The following NFIB variants were observed in gnomAD, a reference collection of about 807,000 sequenced individuals.
NFIB encodes the protein nuclear factor I B.
Under a neutral mutation model 61.5 loss-of-function variants are expected in NFIB, and 11 were observed. The ratio of observed to expected loss-of-function variants is 0.18; its 90% CI spans 0.11 to 0.30. The LOEUF (loss-of-function observed/expected upper bound fraction) is 0.30, where lower values mean the gene tolerates loss of function less well. NFIB is among the 10% of genes least tolerant of loss of function. The pLI is 1.00. For synonymous variants in NFIB, 260 were observed against 216.5 expected (o/e 1.20, Z -1.76); for missense variants, 471 against 608.9 (o/e 0.77, Z 2.38).
At chr9:14,173,989 T>A (rs778936839) in intron 3 of NFIB, among the ~76,000 whole-genome samples, 1 of 152,192 alleles carries the variant, frequency 6.6e-6, no homozygotes, top group East Asian at 1.9e-4. Context: ...TGTAAAATTA[T>A]GTAGCTGAGG....
At chr9:14,306,449 CT>C (rs1258731787) in intron 2 of NFIB, among the ~76,000 whole-genome samples, 1 of 152,084 alleles carries the variant, frequency 6.6e-6, no homozygotes, top group East Asian at 1.9e-4. Context: ...GTAAGATATA[CT>C]TTTGATATTA....
At chr9:14,316,873 A>G (rs1315245835), upstream of NFIB, among the ~76,000 whole-genome samples, 1 of 152,180 alleles carries the variant, frequency 6.6e-6, no homozygotes, top group Non-Finnish European at 1.5e-5. Context: ...ATTTACCATA[A>G]AAGACATTCC....
the NFIB span, among the ~76,000 whole-genome samples, chr9:14,427,308 T>C: frequency 6.6e-6 from 1 of 152,224 alleles, no homozygotes; most frequent in African/African-American, 2.4e-5. Context: ...AATATTTGTA[T>C]TGTGCTTTCT....
intron 4 of NFIB, among the ~76,000 whole-genome samples, chr9:14,154,321 T>A (rs2043159332): frequency 6.6e-6 from 1 of 152,074 alleles, no homozygotes; most frequent in Non-Finnish European, 1.5e-5. Flanking sequence ...AGTACAAATT[T>A]AAGCAAATAA....
At chr9:14,114,004 T>C (rs1378054237) in intron 9 of NFIB, among the ~76,000 whole-genome samples, 1 of 152,184 alleles carries the variant, frequency 6.6e-6, no homozygotes, top group East Asian at 1.9e-4. Flanking sequence ...CACTGCTCCA[T>C]ATTACCATAT....
rs200083777 is a variant in NFIB at position 14,398,636 on chromosome 9, C to T, written c.-5G>A. ...AGACACTGGGATTCTTTCCATACTC[C>T]GAACGGATTCCCGACAAGAAGCCTG... On this transcript the variant is annotated 5_prime_UTR_variant, in exon 1 of 9. Transcript: ENST00000380934. 62 of 1,522,478 alleles carry T rather than the reference C, an allele frequency of 4.1e-5. No individual in the cohort carries two copies. In the Admixed American group the frequency reaches 1.0e-3, roughly 25 times the overall value. The allele number at this position is 1,522,478 out of a possible 1,614,324, so 94.3% of individuals were successfully genotyped here. A position where few individuals can be genotyped will look rare whatever the true frequency, so the allele number is the denominator to read the frequency against.
chr9:14,183,803 T>C (rs1039906139), intron 2 of NFIB, among the ~76,000 whole-genome samples: 5 of 152,116 alleles, frequency 3.3e-5, no homozygotes, highest in Non-Finnish European at 7.3e-5. Context: ...CCACCTCTCA[T>C]TTTATCTTCC....
the NFIB span, among the ~76,000 whole-genome samples, chr9:14,434,525 GGAAGCCAAAGTCAGTATATCCT>G: frequency 6.6e-6 from 1 of 152,148 alleles, no homozygotes. Context: ...TCCTACTAGG[GGAAGCCAAAGTCAGTATATCCT>G]GACTGAGGAA....
chr9:14,206,731 T>C lies in NFIB; in HGVS notation c.563-26951A>G, dbSNP rs544687263. Among the ~76,000 whole-genome samples the C allele has an allele frequency of 1.7e-4, 24 of 143,846 alleles. 1 individual carries two copies. The East Asian group carries it at 4.1e-3, about 24-fold the overall frequency. 94.4% of individuals were successfully genotyped at this position (143,846 alleles called of 152,430 possible). A position where few individuals can be genotyped will look rare whatever the true frequency, so the allele number is the denominator to read the frequency against. ...AAAAAAAAAAAAAAAACCTAAGGGA[T>C]GGTTTCAGATTTTGCCTGTGTCTTA... On this transcript the variant is annotated intron_variant, in intron 2 of 10. Coordinates refer to ENST00000380953, the MANE Select transcript of NFIB (RefSeq NM_001190737.2).
the NFIB span, among the ~76,000 whole-genome samples, chr9:14,529,104 C>A: frequency 1.2e-4 from 18 of 152,126 alleles, no homozygotes; most frequent in Admixed American, 4.6e-4. Flanking sequence ...GGAGTTTACT[C>A]TTCGTGTACT....
rs1462856803 is a variant in NFIB at position 14,087,837 on chromosome 9, C to G, written c.*472G>C. The G allele has an allele frequency of 4.5e-6, 1 of 224,122 alleles. No homozygotes were observed. Among genetic ancestry groups the G allele is most frequent in the African/African-American group, 2.2e-5 (1 of 44,796 alleles). 13.9% of individuals were successfully genotyped at this position (224,122 alleles called of 1,614,324 possible). On this transcript the variant is annotated 3_prime_UTR_variant, in exon 11 of 11. Coordinates refer to ENST00000380953, the MANE Select transcript of NFIB (RefSeq NM_001190737.2). ...GAATAGTGATTCCATGCGTAAACAA[C>G]AAGAATACTAAACCAATAAAACTAG...
chr9:14,103,826 A>C (rs543889832), intron 10 of NFIB, among the ~76,000 whole-genome samples: 7 of 152,236 alleles, frequency 4.6e-5, no homozygotes, highest in African/African-American at 1.7e-4. Flanking sequence ...ATATACATAG[A>C]TAGATCAACA....
chr9:14,093,606 A>C (rs1337566280), intron 10 of NFIB: 1 of 152,130 alleles, frequency 6.6e-6, no homozygotes, highest in Non-Finnish European at 1.5e-5. Context: ...TGATCTCCCC[A>C]AGATGGAAAG....
At chr9:14,480,602 C>T in the NFIB span, among the ~76,000 whole-genome samples, 1 of 152,170 alleles carries the variant, frequency 6.6e-6, no homozygotes, top group Non-Finnish European at 1.5e-5. Flanking sequence ...TCTAGCCAAA[C>T]GTTTATTGGC....
chr9:14,313,057 T>C lies in NFIB; in HGVS notation c.30+425A>G, dbSNP rs1432058066. Among the ~76,000 whole-genome samples, 1 of 152,044 alleles carries C rather than the reference T, an allele frequency of 6.6e-6. No homozygotes were observed. The highest frequency in any genetic ancestry group is 2.4e-5 in the African/African-American group (1 of 41,382). On this transcript the variant is annotated intron_variant, in intron 1 of 10. Coordinates refer to ENST00000380953, the MANE Select transcript of NFIB (RefSeq NM_001190737.2). The surrounding 1 kb of genome is among the most constrained non-coding windows in gnomAD (Gnocchi z 4.5). ...CTACAGTCCCCTCGCCCAAGTTCAC[T>C]GGCTGTTTTTAAAAGCTTAGTCCCC... is the stretch of plus-strand genomic sequence containing the variant.
the NFIB span, among the ~76,000 whole-genome samples, chr9:14,416,907 T>C: frequency 6.7e-6 from 1 of 149,694 alleles, no homozygotes; most frequent in Non-Finnish European, 1.5e-5. Context: ...TTTTTTTTTT[T>C]TTTGAGAAGG....
At chr9:14,125,242 T>C (rs1191706126) in intron 7 of NFIB, among the ~76,000 whole-genome samples, 5 of 152,168 alleles carry the variant, frequency 3.3e-5, no homozygotes, top group African/African-American at 9.7e-5. Context: ...ACTGCAACCT[T>C]TGCCTCCCAG....
intron 3 of NFIB, among the ~76,000 whole-genome samples, chr9:14,176,528 T>A (rs2046211184): frequency 6.6e-6 from 1 of 152,152 alleles, no homozygotes; most frequent in Non-Finnish European, 1.5e-5. Flanking sequence ...AAAGGCTACT[T>A]AAAAGCTCTA....
At chr9:14,293,124 G>A (rs1242894223) in intron 2 of NFIB, among the ~76,000 whole-genome samples, 1 of 152,172 alleles carries the variant, frequency 6.6e-6, no homozygotes, top group Admixed American at 6.5e-5. Flanking sequence ...GCGTTACAAT[G>A]AAATCTGGGG....
Sources: gnomAD v4.1 joint callset for allele counts (sites outside exome capture counted in the v4.1 genomes callset) on GRCh38, gnomAD v4.1.1 for gene constraint, Gnocchi (gnomAD v3.1) non-coding constraint, MANE v1.5 for transcripts, NCBI Gene and HGNC (gene_info 2026-07-23, HGNC 2026-07-21) for gene names.